IPO11: variants seen among roughly 807,000 people sequenced by gnomAD.
IPO11 encodes the protein importin-11.
Under a neutral mutation model 143.2 loss-of-function variants are expected in IPO11, and 66 were observed. That is an observed-to-expected ratio of 0.46 (90% CI 0.38 to 0.57). The LOEUF is 0.57. Ranked by LOEUF, IPO11 falls within the 20% of genes least tolerant of loss-of-function variation. IPO11 has a pLI of 0.00. For missense variants in IPO11, 1,026 were observed against 1,141.0 expected, an observed-to-expected ratio of 0.90 and a Z score of 1.45; for synonymous variants, 385 against 377.8, an observed-to-expected ratio of 1.02 and a Z score of -0.22.
intron 1 of IPO11, among the ~76,000 whole-genome samples, chr5:62,429,108 A>G (rs1048797141): frequency 6.6e-6 from 1 of 152,212 alleles, no homozygotes; most frequent in Non-Finnish European, 1.5e-5. Flanking sequence ...GAGTTGTGCA[A>G]CCATCATTAC....
chr5:62,443,437 G>A (rs896926876), intron 3 of IPO11, among the ~76,000 whole-genome samples: 12 of 148,792 alleles, frequency 8.1e-5, no homozygotes, highest in African/African-American at 2.2e-4. Context: ...GTGCGTGTGC[G>A]TGTGATGTTG....
intron 12 of IPO11, among the ~76,000 whole-genome samples, chr5:62,486,227 G>A (rs768608554): frequency 3.3e-5 from 5 of 151,920 alleles, no homozygotes; most frequent in African/African-American, 4.8e-5. Flanking sequence ...TGAGCCACCC[G>A]CCTCGGCCTC....
intron 28 of IPO11, chr5:62,601,244 A>C (rs902432447): frequency 6.6e-6 from 1 of 152,320 alleles, no homozygotes; most frequent in Non-Finnish European, 1.5e-5. Context: ...TATTCAAAAT[A>C]AAATGATTTA....
At position 62,471,628 on chromosome 5, in the gene IPO11, CCTTA is replaced by C. The variant is rs1459673845; in HGVS notation, c.708+1324_708+1327del. Among the ~76,000 whole-genome samples, 7 of 152,162 alleles carry C rather than the reference CCTTA, an allele frequency of 4.6e-5. No individual in the cohort carries two copies. The South Asian group carries it at 6.2e-4, about 14-fold the overall frequency. On this transcript the variant is annotated intron_variant, in intron 7 of 29. Transcript: ENST00000325324. ...ATGGGATCATATTTACATGTCGTTT[CCTTA>C]CTTTTTAAAAACAAACTCAGCATAT...
chr5:62,455,144 A>G (rs1745086214), intron 5 of IPO11, among the ~76,000 whole-genome samples: 1 of 152,204 alleles, frequency 6.6e-6, no homozygotes, highest in South Asian at 2.1e-4. Flanking sequence ...TGTGCCTATT[A>G]TTTTGGTAAT....
At chr5:62,470,179 G>A in intron 6 of IPO11, 71 bp from the exon 7 acceptor site, 2 of 1,445,612 alleles carry the variant, frequency 1.4e-6, no homozygotes, top group East Asian at 4.6e-5. Flanking sequence ...TTGCAATTCT[G>A]AATCTTTCTT....
At chr5:62,584,236 G>A (rs566170122) in intron 27 of IPO11, among the ~76,000 whole-genome samples, 1 of 151,966 alleles carries the variant, frequency 6.6e-6, no homozygotes, top group East Asian at 1.9e-4. Context: ...GAGTAGATAC[G>A]TTTGGTGTCA....
Position 62,628,381 on chromosome 5 carries a change from C to G in IPO11, c.*1063C>G, listed in dbSNP as rs2112492841. The G allele has an allele frequency of 6.6e-6, 1 of 152,576 alleles. No homozygotes were observed. Among genetic ancestry groups the G allele is most frequent in the Non-Finnish European group, 1.5e-5 (1 of 67,994 alleles). 9.5% of individuals were successfully genotyped at this position (152,576 alleles called of 1,614,324 possible). ...TTACTTGCCATTTATTGTAAGGAAACTTTAAAGCATTTTTTAGGAAATACT... is the reference window on the plus strand; with the variant it reads ...TTACTTGCCATTTATTGTAAGGAAAGTTTAAAGCATTTTTTAGGAAATACT... On this transcript the variant is annotated 3_prime_UTR_variant, in exon 30 of 30. Coordinates refer to ENST00000325324, the MANE Select transcript of IPO11 (RefSeq NM_016338.5).
At position 62,415,464 on chromosome 5, in the gene IPO11, C is replaced by CTTTT. The variant is rs67290766; in HGVS notation, c.-7+2553_-7+2556dup. 3.0e-5 allele frequency among the ~76,000 whole-genome samples: 3 copies of CTTTT among 101,256 alleles called. 1 individual carries two copies. Among genetic ancestry groups the CTTTT allele is most frequent in the Admixed American group, 1.0e-4 (1 of 9,756 alleles). 66.4% of individuals were successfully genotyped at this position (101,256 alleles called of 152,430 possible). A position where few individuals can be genotyped will look rare whatever the true frequency, so the allele number is the denominator to read the frequency against. On this transcript the variant is annotated intron_variant, in intron 1 of 29. Coordinates refer to ENST00000325324, the MANE Select transcript of IPO11 (RefSeq NM_016338.5). ...AGGAGTGAGCCCGGCCCCGTCTTTA[C>CTTTT]TTTTTTTTTTTTTTTTTTTTTGAGA... is the stretch of plus-strand genomic sequence containing the variant.
At chr5:62,620,716 G>C (rs550526417) in intron 29 of IPO11, among the ~76,000 whole-genome samples, 2 of 152,280 alleles carry the variant, frequency 1.3e-5, no homozygotes, top group Admixed American at 6.5e-5. Flanking sequence ...GAAGCCTCCA[G>C]GTGGCAGGCT....
intron 1 of IPO11, among the ~76,000 whole-genome samples, chr5:62,425,069 C>T (rs565309710): frequency 6.6e-6 from 1 of 152,244 alleles, no homozygotes; most frequent in South Asian, 2.1e-4. Context: ...TTTTGAATCT[C>T]ATCTTTCTCG....
At position 62,530,692 on chromosome 5, in the gene IPO11, CTG is replaced by C. The variant is rs559439198; in HGVS notation, c.2013-15_2013-14del. 38 of 1,579,002 alleles carry C rather than the reference CTG, an allele frequency of 2.4e-5. No homozygotes were observed. The highest frequency in any genetic ancestry group is 3.3e-5 in the Admixed American group (2 of 59,708). On this transcript the variant is annotated splice_polypyrimidine_tract_variant and intron_variant, in intron 21 of 29. Coordinates refer to ENST00000325324, the MANE Select transcript of IPO11 (RefSeq NM_016338.5). ...TGGGCATGGAAAGTGGTTTAATCAT[CTG>C]TTTTTCCTTCCTAGGTTAGTAACTT... is the stretch of plus-strand genomic sequence containing the variant.
At chr5:62,597,762 T>G (rs1359203364) in intron 28 of IPO11, among the ~76,000 whole-genome samples, 1 of 152,226 alleles carries the variant, frequency 6.6e-6, no homozygotes, top group Admixed American at 6.5e-5. Context: ...TGTCATGCCC[T>G]GAGCCCAGAA....
chr5:62,499,622 C>A (rs2112252844), intron 16 of IPO11, among the ~76,000 whole-genome samples: 1 of 129,422 alleles, frequency 7.7e-6, no homozygotes, highest in Admixed American at 9.9e-5. Context: ...GTCGCCCAGG[C>A]TGGAGTGCAG....
At chr5:62,599,944 A>G (rs1745442271) in intron 28 of IPO11, among the ~76,000 whole-genome samples, 1 of 152,094 alleles carries the variant, frequency 6.6e-6, no homozygotes, top group African/African-American at 2.4e-5. Flanking sequence ...GCTTTTCAGT[A>G]TTCTGTTATT....
intron 26 of IPO11, among the ~76,000 whole-genome samples, chr5:62,554,836 C>T (rs1487689393): frequency 2.6e-5 from 4 of 152,144 alleles, no homozygotes; most frequent in Non-Finnish European, 5.9e-5. Context: ...CTGACTCAGC[C>T]TCCCCAGTAG....
At chr5:62,590,002 G>A (rs1002009692) in intron 27 of IPO11, among the ~76,000 whole-genome samples, 3 of 152,150 alleles carry the variant, frequency 2.0e-5, no homozygotes, top group East Asian at 1.9e-4. Flanking sequence ...GGTCGAAGTC[G>A]TCTCCAGTCA....
intron 15 of IPO11, among the ~76,000 whole-genome samples, chr5:62,493,065 C>A (rs901396097): frequency 6.6e-6 from 1 of 151,996 alleles, no homozygotes; most frequent in Non-Finnish European, 1.5e-5. Flanking sequence ...TTTCTTTTAG[C>A]GAAGATGATG....
chr5:62,611,001 C>G (rs1745908952), intron 29 of IPO11, among the ~76,000 whole-genome samples: 1 of 152,146 alleles, frequency 6.6e-6, no homozygotes, highest in South Asian at 2.1e-4. Context: ...ACCTGCTTCT[C>G]TAAGTTTGAT....
Sources: allele counts gnomAD v4.1 joint callset (sites outside exome capture counted in the v4.1 genomes callset), GRCh38; gene constraint gnomAD v4.1.1; transcripts MANE v1.5; gene names NCBI Gene and HGNC (gene_info 2026-07-23, HGNC 2026-07-21).